Variants in CHD6 observed in about 807,000 individuals in gnomAD.
CHD6 encodes chromodomain helicase DNA binding protein 6.
A neutral mutation model predicts 276.9 loss-of-function variants in CHD6; 50 were observed. The observed-to-expected ratio is 0.18, with a 90% CI of 0.14 to 0.23. The LOEUF is 0.23. CHD6 is among the 10% of genes least tolerant of loss of function. The probability of loss-of-function intolerance (pLI) is 1.00; values close to 1 mark genes in which losing one functional copy is unlikely to be tolerated. For synonymous variants in CHD6, 1,173 were observed against 1,229.3 expected, an observed-to-expected ratio of 0.95 and a Z score of 0.96; for missense variants, 2,564 against 3,365.8, an observed-to-expected ratio of 0.76 and a Z score of 5.89.
At chr20:41,490,940 TA>T (rs73622088) in intron 11 of CHD6, among the ~76,000 whole-genome samples, 3,179 of 152,104 alleles carry the variant, frequency 0.021, 40 homozygotes, top group Admixed American at 0.03. Context: ...ACCCTAGAAC[TA>T]AAAAATAAAC....
chr20:41,437,237 G>C (rs755898119), intron 27 of CHD6, 37 bp downstream of exon 27: 23 of 1,499,622 alleles, frequency 1.5e-5, no homozygotes, highest in Non-Finnish European at 2.1e-5. Flanking sequence ...TAATATGAAA[G>C]ACGGTGTAAA....
Position 41,456,019 on chromosome 20 carries a change from G to T in CHD6, c.2830-40C>A, listed in dbSNP as rs754435125. On this transcript the variant is annotated intron_variant, in intron 18 of 36. Coordinates refer to ENST00000373233, the MANE Select transcript of CHD6 (RefSeq NM_032221.5). Reference sequence around the variant, plus strand: ...AAAGGCTACTCACAAAGTGGAAAATGTATAGGAGAAAAACAGCCTCAAATC... The same window carrying T: ...AAAGGCTACTCACAAAGTGGAAAATTTATAGGAGAAAAACAGCCTCAAATC... The T allele has an allele frequency of 4.8e-6, 7 of 1,459,932 alleles. No individual in the cohort carries two copies. The Admixed American group carries it at 7.5e-5, about 16-fold the overall frequency. 90.4% of individuals were successfully genotyped at this position (1,459,932 alleles called of 1,614,324 possible). A position where few individuals can be genotyped will look rare whatever the true frequency, so the allele number is the denominator to read the frequency against.
In CHD6 at chr20:41,554,854, A is replaced by G. The variant is rs1320633279; in HGVS notation, c.-23-3494T>C. ...CTTTCCCCTCTTTCTATTCCACAAAACCGCCATTGTCATCATGGCCTGTTC... is the reference window on the plus strand; with the variant it reads ...CTTTCCCCTCTTTCTATTCCACAAAGCCGCCATTGTCATCATGGCCTGTTC... On this transcript the variant is annotated intron_variant, in intron 1 of 36. Transcript: ENST00000373233. Among the ~76,000 whole-genome samples the G allele has an allele frequency of 5.9e-5, 9 of 152,098 alleles. No homozygotes were observed. In the East Asian group the frequency reaches 1.5e-3, roughly 26 times the overall value.
intron 3 of CHD6, among the ~76,000 whole-genome samples, chr20:41,532,763 G>T (rs2044719156): frequency 6.6e-6 from 1 of 152,196 alleles, no homozygotes; most frequent in African/African-American, 2.4e-5. Flanking sequence ...AGAATGGTTG[G>T]GGTCTGAAGG....
At chr20:41,556,290 G>A (rs1462506532) in intron 1 of CHD6, among the ~76,000 whole-genome samples, 2 of 147,132 alleles carry the variant, frequency 1.4e-5, no homozygotes, top group Non-Finnish European at 3.0e-5. Context: ...GAGAGGGAGA[G>A]GGAGACCGTG....
intron 20 of CHD6, 152 bp from the exon 21 acceptor site, chr20:41,453,094 C>T (rs2048288103): frequency 3.1e-6 from 2 of 637,932 alleles, no homozygotes; most frequent in Non-Finnish European, 5.6e-6. Flanking sequence ...CTGCTGTCTC[C>T]ATGACCACAG....
chr20:41,425,380 C>T lies in CHD6; in HGVS notation c.4144G>A (p.Asp1382Asn), dbSNP rs753935173. 2.0e-5 allele frequency: 32 copies of T among 1,613,646 alleles called. No individual in the cohort carries two copies. The highest frequency in any genetic ancestry group is 5.3e-5 in the African/African-American group (4 of 74,900). The change falls in exon 29 of 37, where the codon GAC becomes AAC. Residue 1382 changes from aspartate to asparagine, a missense_variant. By Grantham distance (23) the Asp-to-Asn change is conservative (BLOSUM62 1). Coordinates refer to ENST00000373233, the MANE Select transcript of CHD6 (RefSeq NM_032221.5). ...DDSRAAQDGS[D>N]PDKSPWPVSS... Reference sequence around the variant, plus strand: ...ACTGGCCAGGGCGATTTGTCTGGGTCGGAGCCATCCTGGGCTTCAAACATC... The same window carrying T: ...ACTGGCCAGGGCGATTTGTCTGGGTTGGAGCCATCCTGGGCTTCAAACATC...
chr20:41,444,386 C>A (rs1032889492), intron 25 of CHD6, among the ~76,000 whole-genome samples: 1 of 152,178 alleles, frequency 6.6e-6, no homozygotes, highest in Admixed American at 6.5e-5. Context: ...AATAGCCACA[C>A]AGGGCTAGTG....
intron 1 of CHD6, among the ~76,000 whole-genome samples, chr20:41,568,054 G>A (rs549247179): frequency 6.6e-6 from 1 of 152,290 alleles, no homozygotes; most frequent in Admixed American, 6.5e-5. Flanking sequence ...AGCAGAGGAT[G>A]GTTTCAATCC....
intron 20 of CHD6, among the ~76,000 whole-genome samples, chr20:41,453,737 T>G (rs542191352): frequency 6.6e-6 from 1 of 152,330 alleles, no homozygotes; most frequent in Admixed American, 6.5e-5. Flanking sequence ...ACACAGTAGC[T>G]TCTTGATTGC....
Position 41,447,981 on chromosome 20 carries a change from G to T in CHD6, c.3684-10C>A, listed in dbSNP as rs1418830383. On this transcript the variant is annotated splice_polypyrimidine_tract_variant and intron_variant, in intron 23 of 36. Transcript: ENST00000373233. ...GACTCGCAAAAGTACTCTATGAAAG[G>T]TGAACACATTAATGCAAACAAATTA... 4 of 1,564,298 alleles carry T rather than the reference G, an allele frequency of 2.6e-6. No homozygotes were observed. The South Asian group carries it at 4.5e-5, about 18-fold the overall frequency.
intron 8 of CHD6, among the ~76,000 whole-genome samples, chr20:41,495,104 C>T (rs533024868): frequency 7.3e-5 from 11 of 151,428 alleles, no homozygotes; most frequent in African/African-American, 1.2e-4. Flanking sequence ...CTTAATGATA[C>T]GAAAAGCTAA....
intron 17 of CHD6, among the ~76,000 whole-genome samples, chr20:41,463,462 C>T (rs1324333885): frequency 6.6e-6 from 1 of 152,188 alleles, no homozygotes; most frequent in African/African-American, 2.4e-5. Context: ...ACAGATATCA[C>T]TGTACTAAGT....
At chr20:41,518,054 C>T (rs2044293901) in intron 3 of CHD6, among the ~76,000 whole-genome samples, 1 of 152,024 alleles carries the variant, frequency 6.6e-6, no homozygotes, top group South Asian at 2.1e-4. Flanking sequence ...TTTTTTATAG[C>T]TCTCTTAGAA....
At position 41,442,289 on chromosome 20, in the gene CHD6, T is replaced by TA. The variant is rs879634907; in HGVS notation, c.3878-2161dup. ...ATGAGATCCCCTCTCTACAAAAAAT[T>TA]AAAAAAAAAAAAATTAGCCAGGCAT... On this transcript the variant is annotated intron_variant, in intron 25 of 36. Coordinates refer to ENST00000373233, the MANE Select transcript of CHD6 (RefSeq NM_032221.5). Among the ~76,000 whole-genome samples, 679 of 142,582 alleles carry TA rather than the reference T, an allele frequency of 4.8e-3. 3 individuals are homozygous for TA. The highest frequency in any genetic ancestry group is 0.025 in the Middle Eastern group (7 of 280). The allele number at this position is 142,582 out of a possible 152,430, so 93.5% of individuals were successfully genotyped here. A position where few individuals can be genotyped will look rare whatever the true frequency, so the allele number is the denominator to read the frequency against.
chr20:41,591,493 C>A (rs1275028138), intron 1 of CHD6, among the ~76,000 whole-genome samples: 4 of 151,154 alleles, frequency 2.6e-5, no homozygotes, highest in Non-Finnish European at 4.4e-5. Context: ...GAGTTCAAGA[C>A]CAGCCTGGCC....
rs558388587 is a variant in CHD6 at position 41,499,022 on chromosome 20, T to C, written c.915+273A>G. Among the ~76,000 whole-genome samples, 8 of 152,172 alleles carry C rather than the reference T, an allele frequency of 5.3e-5. No individual in the cohort carries two copies. In the South Asian group the frequency reaches 1.0e-3, roughly 20 times the overall value. On this transcript the variant is annotated intron_variant, in intron 6 of 36. Transcript: ENST00000373233. ...CTCTTCTTCTTGGCCCTCTGCTAAA[T>C]TGTGGTGGGCTACAGCAACTAAGGG...
At chr20:41,589,801 A>C (rs1470341781) in intron 1 of CHD6, among the ~76,000 whole-genome samples, 3 of 152,248 alleles carry the variant, frequency 2.0e-5, no homozygotes, top group Non-Finnish European at 4.4e-5. Flanking sequence ...GCCCAAGGTA[A>C]TTTATAGCTT....
intron 26 of CHD6, among the ~76,000 whole-genome samples, chr20:41,438,581 C>T (rs2047793215): frequency 2.0e-5 from 3 of 152,068 alleles, no homozygotes. Flanking sequence ...AAGAGTGAGA[C>T]TCCATCACAA....
Sources: allele counts gnomAD v4.1 joint callset (sites outside exome capture counted in the v4.1 genomes callset), GRCh38; gene constraint gnomAD v4.1.1; transcripts MANE v1.5; gene names NCBI Gene and HGNC (gene_info 2026-07-23, HGNC 2026-07-21).